The following PCDH9 variants were observed in gnomAD, a reference collection of about 807,000 sequenced individuals.
The protein encoded by PCDH9 is protocadherin 9, also known as protocadherin-9.
A neutral mutation model predicts 70.6 loss-of-function variants in PCDH9; 24 were observed. That is an observed-to-expected ratio of 0.34 (90% CI 0.25 to 0.48). The LOEUF (loss-of-function observed/expected upper bound fraction) is 0.48. Among genes scored for constraint, PCDH9 ranks in the 20% least tolerant of loss-of-function variants. PCDH9 has a pLI of 0.99. For missense variants in PCDH9, 1,281 were observed against 1,503.6 expected, an observed-to-expected ratio of 0.85 and a Z score of 2.45; for synonymous variants, 562 against 558.5, an observed-to-expected ratio of 1.01 and a Z score of -0.09.
intron 2 of PCDH9, among the ~76,000 whole-genome samples, chr13:66,934,693 ATTTCCATGTGTTTGCTTTTTTTTTTTTTT>A (rs1396181326): frequency 2.1e-5 from 3 of 140,628 alleles, no homozygotes; most frequent in Non-Finnish European, 3.1e-5. Flanking sequence ...ATTGTATTCA[ATTTCCATGTGTTTGCTTTTTTTTTTTTTT>A]TTTTTTTTTT....
chr13:66,845,502 A>T (rs1246168533), intron 3 of PCDH9, among the ~76,000 whole-genome samples: 1 of 152,138 alleles, frequency 6.6e-6, no homozygotes, highest in African/African-American at 2.4e-5. Flanking sequence ...GAGTGAAGAG[A>T]TGCCTGGGTC....
At chr13:66,622,165 G>A (rs527714959) in intron 4 of PCDH9, among the ~76,000 whole-genome samples, 23 of 152,336 alleles carry the variant, frequency 1.5e-4, no homozygotes, top group Non-Finnish European at 2.8e-4. Context: ...ATTTGTCACC[G>A]GGCCTTGGCT....
At chr13:66,497,254 G>T (rs1158352615) in intron 4 of PCDH9, among the ~76,000 whole-genome samples, 10 of 150,162 alleles carry the variant, frequency 6.7e-5, no homozygotes, top group Non-Finnish European at 5.9e-5. Flanking sequence ...TTGTATTTTT[G>T]GTAGAAATGG....
chr13:67,105,194 C>A (rs1327240791), intron 2 of PCDH9, among the ~76,000 whole-genome samples: 2 of 152,054 alleles, frequency 1.3e-5, no homozygotes, highest in African/African-American at 4.8e-5. Flanking sequence ...AAATTGCCTA[C>A]ACTTTTTGGC....
In PCDH9 at chr13:66,439,625, C is replaced by G. The variant is rs534991489; in HGVS notation, c.3341-134597G>C. Among the ~76,000 whole-genome samples the G allele has an allele frequency of 1.2e-4, 19 of 152,236 alleles. No homozygotes were observed. In the South Asian group the frequency reaches 1.5e-3, roughly 12 times the overall value. ...ATGGTGAGCATCCAATAAATGGTAGCTGCCACAGTTTGTTTTGTTAGTGTT... is the reference window on the plus strand; with the variant it reads ...ATGGTGAGCATCCAATAAATGGTAGGTGCCACAGTTTGTTTTGTTAGTGTT... On this transcript the variant is annotated intron_variant, in intron 4 of 4. Coordinates refer to ENST00000377865, the MANE Select transcript of PCDH9 (RefSeq NM_203487.3).
At chr13:66,708,030 CTTTTA>C (rs1428596188) in intron 3 of PCDH9, among the ~76,000 whole-genome samples, 2 of 151,840 alleles carry the variant, frequency 1.3e-5, no homozygotes, top group African/African-American at 4.8e-5. Context: ...ACAGATAACA[CTTTTA>C]TTTTATTTTA....
At chr13:66,317,535 T>A (rs1458993137) in intron 4 of PCDH9, among the ~76,000 whole-genome samples, 5 of 152,178 alleles carry the variant, frequency 3.3e-5, no homozygotes, top group Admixed American at 3.3e-4. Flanking sequence ...AACCATTTAA[T>A]CATAATTTCT....
At chr13:66,499,206 A>T (rs1022047432) in intron 4 of PCDH9, among the ~76,000 whole-genome samples, 1 of 152,070 alleles carries the variant, frequency 6.6e-6, no homozygotes. Context: ...TAAAAGAAAG[A>T]TGATATTTAA....
intron 3 of PCDH9, chr13:66,782,908 T>A (rs1277816814): frequency 6.6e-6 from 1 of 152,238 alleles, no homozygotes; most frequent in African/African-American, 2.4e-5. Context: ...TATACAGCTA[T>A]GGCTCATTTA....
chr13:66,559,741 A>G (rs1254597437), intron 4 of PCDH9, among the ~76,000 whole-genome samples: 1 of 143,330 alleles, frequency 7.0e-6, no homozygotes, highest in African/African-American at 2.6e-5. Context: ...CGGAGCTTGC[A>G]GTGAGCTGAG....
At chr13:67,179,550 G>T (rs1302845734) in intron 2 of PCDH9, among the ~76,000 whole-genome samples, 1 of 151,916 alleles carries the variant, frequency 6.6e-6, no homozygotes, top group Non-Finnish European at 1.5e-5. Flanking sequence ...TAACAAACCA[G>T]GTTAAGCACA....
chr13:66,656,454 T>C (rs1042509385), intron 3 of PCDH9, among the ~76,000 whole-genome samples: 10 of 151,998 alleles, frequency 6.6e-5, no homozygotes, highest in African/African-American at 2.4e-4. Flanking sequence ...GAAAACAAAT[T>C]TGTTCTTTCA....
intron 2 of PCDH9, among the ~76,000 whole-genome samples, chr13:67,041,871 C>CATGT (rs2085123892): frequency 6.6e-6 from 1 of 151,878 alleles, no homozygotes; most frequent in Non-Finnish European, 1.5e-5. Flanking sequence ...CTGGCTATCC[C>CATGT]ATGTATTCCC....
intron 4 of PCDH9, among the ~76,000 whole-genome samples, chr13:66,338,067 T>C (rs573988359): frequency 4.6e-5 from 7 of 152,180 alleles, no homozygotes; most frequent in African/African-American, 7.2e-5. Context: ...GGAAGTTAAT[T>C]AGGCAGCCAA....
intron 3 of PCDH9, among the ~76,000 whole-genome samples, chr13:66,844,917 G>T (rs1460255034): frequency 6.6e-6 from 1 of 152,168 alleles, no homozygotes; most frequent in Non-Finnish European, 1.5e-5. Context: ...GAAACTTGGG[G>T]TGTTGCTTCA....
chr13:66,932,617 A>G (rs184686917), intron 2 of PCDH9, among the ~76,000 whole-genome samples: 1 of 148,306 alleles, frequency 6.7e-6, no homozygotes, highest in Admixed American at 6.7e-5. Flanking sequence ...GGGGAAAAAA[A>G]AACTTTTTAT....
At chr13:66,683,504 G>A (rs541136492) in intron 3 of PCDH9, among the ~76,000 whole-genome samples, 2 of 152,274 alleles carry the variant, frequency 1.3e-5, no homozygotes, top group African/African-American at 4.8e-5. Context: ...TCCAAGGGAT[G>A]CATTCACAAC....
At chr13:66,377,861 T>TG (rs1362287709) in intron 4 of PCDH9, among the ~76,000 whole-genome samples, 1 of 152,212 alleles carries the variant, frequency 6.6e-6, no homozygotes, top group Non-Finnish European at 1.5e-5. Context: ...TTCACCTTAA[T>TG]TTTTCTGCCT....
In PCDH9 at chr13:66,642,288, A is replaced by G. The variant is rs144647107; in HGVS notation, c.3139-10877T>C. Among the ~76,000 whole-genome samples, 365 of 152,196 alleles carry G rather than the reference A, an allele frequency of 2.4e-3. 2 individuals are homozygous for G. The highest frequency in any genetic ancestry group is 7.5e-3 in the African/African-American group (311 of 41,580). ...AATCTCAGAAAGCCTAAATTAATGA[A>G]GATAAATTCTGATATATGTTATAGT... On this transcript the variant is annotated intron_variant, in intron 3 of 4. Transcript: ENST00000377865.
Sources: gnomAD v4.1 joint callset for allele counts (sites outside exome capture counted in the v4.1 genomes callset) on GRCh38, gnomAD v4.1.1 for gene constraint, MANE v1.5 for transcripts, NCBI Gene and HGNC (gene_info 2026-07-23, HGNC 2026-07-21) for gene names.